The following LAYN variants were observed in gnomAD, a reference collection of about 807,000 sequenced individuals.
LAYN encodes layilin.
In LAYN, 38 loss-of-function variants were observed where a neutral mutation model predicts 43.6. The ratio of observed to expected loss-of-function variants is 0.87; its 90% CI spans 0.67 to 1.14. The LOEUF (loss-of-function observed/expected upper bound fraction) is 1.14, where lower values mean the gene tolerates loss of function less well. LAYN is among the 50% of genes most tolerant of loss of function. The pLI, the probability that LAYN is intolerant of heterozygous loss-of-function variation, is 0.00. For missense variants in LAYN, 479 were observed against 463.8 expected (o/e 1.03, Z -0.30); for synonymous variants, 168 against 172.9 (o/e 0.97, Z 0.22).
At chr11:111,556,204 T>C (rs1867837364) in intron 5 of LAYN, among the ~76,000 whole-genome samples, 1 of 152,176 alleles carries the variant, frequency 6.6e-6, no homozygotes, top group African/African-American at 2.4e-5. Context: ...CAAATCAGGA[T>C]CAGCCAAATG....
At chr11:111,549,150 C>T (rs1867696316) in intron 2 of LAYN, among the ~76,000 whole-genome samples, 1 of 152,168 alleles carries the variant, frequency 6.6e-6, no homozygotes, top group Non-Finnish European at 1.5e-5. Flanking sequence ...GCTTGAATTT[C>T]TTATCTACTT....
rs993876306 is a variant in LAYN at position 111,540,997 on chromosome 11, C to G, written c.85+69C>G. 1.0e-5 allele frequency: 15 copies of G among 1,432,582 alleles called. No homozygotes were observed. In the African/African-American group the frequency reaches 1.8e-4, roughly 18 times the overall value. 88.7% of individuals were successfully genotyped at this position (1,432,582 alleles called of 1,614,324 possible). A position where few individuals can be genotyped will look rare whatever the true frequency, so the allele number is the denominator to read the frequency against. On this transcript the variant is annotated intron_variant, in intron 1 of 6. Coordinates refer to ENST00000375614, the MANE Select transcript of LAYN (RefSeq NM_178834.5). ...CACTGCACCCCAGCTGCTGCTGACC[C>G]TCTTCTGGGTCGCCACGTATGGGAC...
chr11:111,548,165 C>T (rs565621945), intron 2 of LAYN, among the ~76,000 whole-genome samples: 1 of 152,296 alleles, frequency 6.6e-6, no homozygotes, highest in East Asian at 1.9e-4. Context: ...TTAATGTCAA[C>T]TTGCACCCTG....
chr11:111,560,187 A>T lies in LAYN; in HGVS notation c.854A>T (p.Asn285Ile). ...AACAGCCCGGACCTAGAGGTCTACA[A>T]TGTCATAAGAAAACAAAGCGAAGCT... ...QGNSPDLEVY[N>I]VIRKQSEADL... The change falls in exon 7 of 7, where the codon AAT (asparagine) becomes ATT (isoleucine). Residue 285 changes from asparagine (N) to isoleucine (I), a missense_variant. Physicochemically the swap from Asn to Ile is moderately radical, Grantham distance 149. Coordinates refer to ENST00000375614, the MANE Select transcript of LAYN (RefSeq NM_178834.5). 2 of 1,614,174 alleles carry T rather than the reference A, an allele frequency of 1.2e-6. No homozygotes were observed. The highest frequency in any genetic ancestry group is 1.1e-5 in the South Asian group (1 of 91,082).
At chr11:111,541,820 T>G (rs1275992022) in intron 1 of LAYN, among the ~76,000 whole-genome samples, 1 of 152,156 alleles carries the variant, frequency 6.6e-6, no homozygotes, top group African/African-American at 2.4e-5. Flanking sequence ...TGAATTGAGC[T>G]GCTTGGGTTA....
At chr11:111,541,426 G>A in intron 1 of LAYN, 1 of 767,258 alleles carries the variant, frequency 1.3e-6, no homozygotes, top group South Asian at 1.5e-5. Flanking sequence ...CTCTTCTGCG[G>A]GGTTGGATGG....
upstream of LAYN, chr11:111,540,458 A>T: frequency 3.6e-6 from 1 of 279,028 alleles, no homozygotes; most frequent in Non-Finnish European, 6.8e-6. Flanking sequence ...GCTCGTTATC[A>T]GATTGCCTAG....
At chr11:111,543,816 T>C (rs997219308) in intron 1 of LAYN, 107 bp from the exon 2 acceptor site, 1 of 1,025,486 alleles carries the variant, frequency 9.8e-7, no homozygotes, top group East Asian at 2.4e-5. Context: ...TACTGATGTG[T>C]AACCAAAATT....
At chr11:111,546,785 G>A (rs1379296628) in intron 2 of LAYN, among the ~76,000 whole-genome samples, 1 of 152,172 alleles carries the variant, frequency 6.6e-6, no homozygotes, top group Non-Finnish European at 1.5e-5. Flanking sequence ...CATGGTCTCT[G>A]GTGCTCCTTG....
intron 2 of LAYN, among the ~76,000 whole-genome samples, chr11:111,546,315 C>T (rs1016124219): frequency 1.3e-5 from 2 of 152,218 alleles, no homozygotes; most frequent in Non-Finnish European, 1.5e-5. Flanking sequence ...ATCAGCTGGG[C>T]ATGCTATTTA....
Position 111,560,483 on chromosome 11 carries a change from A to T in LAYN, c.*25A>T, listed in dbSNP as rs753848438. 8 of 1,581,172 alleles carry T rather than the reference A, an allele frequency of 5.1e-6. No individual in the cohort carries two copies. The East Asian group carries it at 1.8e-4, about 35-fold the overall frequency. On this transcript the variant is annotated 3_prime_UTR_variant, in exon 7 of 7. Transcript: ENST00000375614. ...GGACATATAAAAAACTGAAACTGACAACAATGGAAAAGAAATGATAAGCAA... is the reference window on the plus strand; with the variant it reads ...GGACATATAAAAAACTGAAACTGACTACAATGGAAAAGAAATGATAAGCAA...
rs764821996 is a variant in LAYN at position 111,560,134 on chromosome 11, C to T, written c.801C>T (p.His267=). 5.6e-6 allele frequency: 9 copies of T among 1,613,632 alleles called. No individual in the cohort carries two copies. In the South Asian group the frequency reaches 9.9e-5, roughly 18 times the overall value. ...CAGACCCTAGCACAAAGAAGCAACA[C>T]ACCATCTGGCCCTCTCCTCACCAGG... ...EQPDPSTKKQ[H]TIWPSPHQGN... The change falls in exon 7 of 7, where the codon CAC becomes CAT. Residue 267 remains histidine, a synonymous_variant. Coordinates refer to ENST00000375614, the MANE Select transcript of LAYN (RefSeq NM_178834.5).
Position 111,544,130 on chromosome 11 carries a change from T to C in LAYN, c.293T>C (p.Ile98Thr), listed in dbSNP as rs374459755. The C allele has an allele frequency of 1.2e-6, 2 of 1,614,072 alleles. No homozygotes were observed. Among genetic ancestry groups the C allele is most frequent in the Admixed American group, 1.7e-5 (1 of 60,004 alleles). The change falls in exon 2 of 7, where the codon ATT (isoleucine) becomes ACT (threonine). Residue 98 changes from isoleucine (I) to threonine (T), a missense_variant. By Grantham distance (89) the Ile-to-Thr change is moderately conservative (BLOSUM62 -1). Transcript: ENST00000375614. ...NLLPSDGDFW[I>T]GLRRREEKQS... is the part of the protein sequence containing the mutation. ...TTGCCATCTGATGGTGACTTCTGGA[T>C]TGGGCTCAGGAGGCGTGAGGAGAAA... is the stretch of plus-strand genomic sequence containing the variant.
intron 1 of LAYN, among the ~76,000 whole-genome samples, chr11:111,543,333 A>T (rs557272095): frequency 3.9e-5 from 6 of 152,252 alleles, no homozygotes; most frequent in Non-Finnish European, 8.8e-5. Context: ...TATGGCACAT[A>T]GTAGGAGTTC....
intron 2 of LAYN, among the ~76,000 whole-genome samples, chr11:111,547,153 A>G (rs922814617): frequency 4.6e-5 from 7 of 152,332 alleles, no homozygotes; most frequent in South Asian, 2.1e-4. Context: ...ACCATGTGCT[A>G]TGCTTCATTC....
intron 2 of LAYN, among the ~76,000 whole-genome samples, chr11:111,547,311 T>C (rs1227491959): frequency 6.6e-6 from 1 of 152,202 alleles, no homozygotes; most frequent in African/African-American, 2.4e-5. Context: ...CTGGAGTACA[T>C]AAGTCTTACC....
intron 1 of LAYN, among the ~76,000 whole-genome samples, chr11:111,541,166 T>C (rs112726603): frequency 4.6e-5 from 7 of 152,224 alleles, no homozygotes; most frequent in Non-Finnish European, 8.8e-5. Flanking sequence ...CGAAGCCCGT[T>C]CCCAGTCCAG....
chr11:111,540,785 C>T lies in LAYN; in HGVS notation c.-59C>T. 1 of 1,480,046 alleles carries T rather than the reference C, an allele frequency of 6.8e-7. No homozygotes were observed. Among genetic ancestry groups the T allele is most frequent in the Non-Finnish European group, 9.0e-7 (1 of 1,114,694 alleles). The allele number at this position is 1,480,046 out of a possible 1,614,324, so 91.7% of individuals were successfully genotyped here. Reference sequence around the variant, plus strand: ...TGCAGTTGTCGCGCACGCCTCTGCCCGCCAGCCCGCTCCACCGCCGTAGCG... The same window carrying T: ...TGCAGTTGTCGCGCACGCCTCTGCCTGCCAGCCCGCTCCACCGCCGTAGCG... On this transcript the variant is annotated 5_prime_UTR_variant, in exon 1 of 7. Coordinates refer to ENST00000375614, the MANE Select transcript of LAYN (RefSeq NM_178834.5).
intron 1 of LAYN, 31 bp downstream of exon 1, chr11:111,540,959 G>T: frequency 6.6e-7 from 1 of 1,521,058 alleles, no homozygotes; most frequent in Non-Finnish European, 8.8e-7. Context: ...GGGGGCTGGT[G>T]CCGGGGTGGG....
Sources: gnomAD v4.1 joint callset for allele counts (sites outside exome capture counted in the v4.1 genomes callset) on GRCh38, gnomAD v4.1.1 for gene constraint, MANE v1.5 for transcripts, NCBI Gene and HGNC (gene_info 2026-07-23, HGNC 2026-07-21) for gene names.